The following TAFA1 variants were observed in gnomAD, a reference collection of about 807,000 sequenced individuals.
TAFA1 encodes TAFA chemokine like family member 1, also known as chemokine-like protein TAFA-1.
A neutral mutation model predicts 18.5 loss-of-function variants in TAFA1; 4 were observed. The ratio of observed to expected loss-of-function variants is 0.22; its 90% confidence interval spans 0.11 to 0.49. The LOEUF (loss-of-function observed/expected upper bound fraction) is 0.49. Among genes scored for constraint, TAFA1 ranks in the 20% least tolerant of loss-of-function variants. The pLI is 0.98. For missense variants in TAFA1, 147 were observed against 169.0 expected, an observed-to-expected ratio of 0.87 and a Z score of 0.72; for synonymous variants, 56 against 55.2, an observed-to-expected ratio of 1.01 and a Z score of -0.06.
intron 2 of TAFA1, among the ~76,000 whole-genome samples, chr3:68,250,058 C>T (rs1050177511): frequency 2.6e-5 from 4 of 152,180 alleles, no homozygotes; most frequent in South Asian, 2.1e-4. Context: ...TTAAGTCATA[C>T]GATAAATTCA....
chr3:68,100,805 C>T (rs2065139027), intron 2 of TAFA1, among the ~76,000 whole-genome samples: 1 of 152,034 alleles, frequency 6.6e-6, no homozygotes, highest in Non-Finnish European at 1.5e-5. Flanking sequence ...AAGAATCCTC[C>T]AGCCTAGGAA....
chr3:68,399,987 A>C (rs1303154304), intron 2 of TAFA1, among the ~76,000 whole-genome samples: 3 of 152,186 alleles, frequency 2.0e-5, no homozygotes, highest in Non-Finnish European at 4.4e-5. Context: ...CTCACATTTT[A>C]AAGTTCAACA....
At chr3:68,385,051 A>G (rs1487379901) in intron 2 of TAFA1, among the ~76,000 whole-genome samples, 1 of 151,980 alleles carries the variant, frequency 6.6e-6, no homozygotes. Flanking sequence ...TTTTGAACCT[A>G]TGCATGTCCT....
chr3:68,105,416 T>A (rs1165344355), intron 2 of TAFA1, among the ~76,000 whole-genome samples: 1 of 152,160 alleles, frequency 6.6e-6, no homozygotes, highest in African/African-American at 2.4e-5. Context: ...TAAACAAACA[T>A]GTTTTATTTT....
intron 2 of TAFA1, among the ~76,000 whole-genome samples, chr3:68,177,516 G>A (rs1403903269): frequency 1.3e-5 from 2 of 152,138 alleles, no homozygotes; most frequent in Admixed American, 6.5e-5. Context: ...TATAATAGGA[G>A]TAAGCTCCTA....
At chr3:68,151,114 A>T (rs1464733199) in intron 2 of TAFA1, among the ~76,000 whole-genome samples, 1 of 152,080 alleles carries the variant, frequency 6.6e-6, no homozygotes, top group Admixed American at 6.6e-5. Flanking sequence ...ACATAGACTT[A>T]TACCTCACAC....
intron 2 of TAFA1, among the ~76,000 whole-genome samples, chr3:68,358,919 A>G (rs2069418247): frequency 6.6e-6 from 1 of 151,916 alleles, no homozygotes; most frequent in South Asian, 2.1e-4. Context: ...TCCCACCTAA[A>G]GCAATAATCA....
chr3:68,418,803 A>T (rs900355121), intron 3 of TAFA1, among the ~76,000 whole-genome samples: 1 of 152,198 alleles, frequency 6.6e-6, no homozygotes, highest in South Asian at 2.1e-4. Context: ...CTTCTCATGC[A>T]TTATTTTATT....
intron 2 of TAFA1, among the ~76,000 whole-genome samples, chr3:68,142,901 G>A (rs901701994): frequency 3.7e-5 from 4 of 107,154 alleles, no homozygotes; most frequent in African/African-American, 1.4e-4. Context: ...TGTGACTCAC[G>A]TGGGAAATCG....
intron 3 of TAFA1, among the ~76,000 whole-genome samples, chr3:68,505,093 TA>T (rs931986650): frequency 6.6e-6 from 1 of 152,118 alleles, no homozygotes; most frequent in Admixed American, 6.5e-5. Flanking sequence ...CCTGAGTATG[TA>T]AAACTGCAGC....
At chr3:68,047,868 A>G (rs962952974) in intron 2 of TAFA1, among the ~76,000 whole-genome samples, 3 of 152,134 alleles carry the variant, frequency 2.0e-5, no homozygotes, top group Non-Finnish European at 4.4e-5. Context: ...TTCTGACTCC[A>G]TCACTCTCCT....
intron 2 of TAFA1, among the ~76,000 whole-genome samples, chr3:68,210,515 T>C (rs143716644): frequency 6.6e-6 from 1 of 152,180 alleles, no homozygotes; most frequent in East Asian, 1.9e-4. Flanking sequence ...AAAGTTCCAA[T>C]GTTTACCCTT....
chr3:67,999,908 C>A (rs748422168), upstream of TAFA1, among the ~76,000 whole-genome samples: 32 of 151,756 alleles, frequency 2.1e-4, no homozygotes, highest in Non-Finnish European at 4.0e-4. Context: ...CCTGTTTCAG[C>A]CTCCTGAGTA....
At chr3:68,381,400 G>C (rs1326261273) in intron 2 of TAFA1, among the ~76,000 whole-genome samples, 1 of 151,926 alleles carries the variant, frequency 6.6e-6, no homozygotes, top group Non-Finnish European at 1.5e-5. Flanking sequence ...TCCTACCCAT[G>C]AGCATGGAAT....
chr3:68,276,407 C>T (rs1419581490), intron 2 of TAFA1, among the ~76,000 whole-genome samples: 1 of 152,116 alleles, frequency 6.6e-6, no homozygotes, highest in African/African-American at 2.4e-5. Flanking sequence ...CAGACATTGC[C>T]AGATGGCCCT....
At chr3:68,043,182 C>T (rs1432612621) in intron 2 of TAFA1, among the ~76,000 whole-genome samples, 1 of 152,062 alleles carries the variant, frequency 6.6e-6, no homozygotes, top group Non-Finnish European at 1.5e-5. Context: ...TATATTATGC[C>T]ATTCTGAGTT....
chr3:68,488,453 A>G (rs747562525), intron 3 of TAFA1, among the ~76,000 whole-genome samples: 9 of 152,196 alleles, frequency 5.9e-5, no homozygotes, highest in Non-Finnish European at 1.2e-4. Flanking sequence ...CAGGGGAACA[A>G]TACTTTGCAT....
intron 3 of TAFA1, among the ~76,000 whole-genome samples, chr3:68,527,390 C>T (rs2073124473): frequency 6.6e-6 from 1 of 152,154 alleles, no homozygotes; most frequent in South Asian, 2.1e-4. Flanking sequence ...TCCAATAAGA[C>T]AGCTTAGAGT....
At chr3:68,463,321 AT>A (rs1303376455) in intron 3 of TAFA1, among the ~76,000 whole-genome samples, 5 of 152,262 alleles carry the variant, frequency 3.3e-5, no homozygotes, top group African/African-American at 1.2e-4. Context: ...GCGAGCATCT[AT>A]TTCCTGGAGC....
Sources: gnomAD v4.1 joint callset for allele counts (sites outside exome capture counted in the v4.1 genomes callset) on GRCh38, gnomAD v4.1.1 for gene constraint, MANE v1.5 for transcripts, NCBI Gene and HGNC (gene_info 2026-07-23, HGNC 2026-07-21) for gene names.